The following IRAK1 variants were observed in gnomAD, a reference collection of about 807,000 sequenced individuals.
IRAK1 encodes the protein interleukin-1 receptor-associated kinase 1.
In IRAK1, 9 loss-of-function variants were observed where a neutral mutation model predicts 49.8. The ratio of observed to expected loss-of-function variants is 0.18; its 90% CI spans 0.11 to 0.32. The LOEUF (loss-of-function observed/expected upper bound fraction) is 0.32, where lower values mean the gene tolerates loss of function less well. Ranked by LOEUF, IRAK1 falls within the 10% of genes least tolerant of loss-of-function variation. The pLI is 1.00. For synonymous variants in IRAK1, 282 were observed against 270.8 expected (o/e 1.04, Z -0.41); for missense variants, 418 against 600.5 (o/e 0.70, Z 3.18).
In IRAK1 at chrX:154,014,140, T is replaced by G. The variant is rs782250595; in HGVS notation, c.1441A>C (p.Arg481=). The change falls in exon 11 of 14, where the codon AGG becomes CGG. Residue 481 remains arginine (R), a synonymous_variant. Transcript: ENST00000369980. The part of the protein sequence containing the change: ...MQIYKKHLDP[R]PGPCPPELGL... ...AGCTCAGGTGGGCAGGGCCCGGGCC[T>G]GGGGTCCAGGTGCTTCTTGTAGATC... 5.0e-6 allele frequency: 6 copies of G among 1,209,103 alleles called. No homozygotes were observed. In the East Asian group the frequency reaches 1.5e-4, roughly 30 times the overall value.
At chrX:154,016,210 A>T (rs888896195) in intron 9 of IRAK1, 113 bp from the exon 10 acceptor site, 19 of 686,004 alleles carry the variant, frequency 2.8e-5, no homozygotes, top group Non-Finnish European at 3.5e-5. Flanking sequence ...GCCAGATGTT[A>T]TGGGACTGAA....
At position 154,016,373 on chromosome X, in the gene IRAK1, G is replaced by A. The variant is rs1412722967; in HGVS notation, c.1236+64C>T. The A allele has an allele frequency of 9.3e-6, 10 of 1,073,619 alleles. No individual in the cohort carries two copies. In the Admixed American group the frequency reaches 2.2e-4, roughly 24 times the overall value. 88.5% of individuals were successfully genotyped at this position (1,073,619 alleles called of 1,213,427 possible). On this transcript the variant is annotated intron_variant, in intron 9 of 13. Transcript: ENST00000369980. The stretch of plus-strand genomic sequence containing the variant: ...CCCCTGGCCCGCAGTGCACTCTGCA[G>A]CCCCCACCTCTGCCTGCCTGTGGCT...
chrX:154,017,184 T>A, intron 7 of IRAK1, 117 bp from the exon 8 acceptor site: 1 of 501,950 alleles, frequency 2.0e-6, no homozygotes, highest in Non-Finnish European at 3.5e-6. Context: ...AGGCCTCAGT[T>A]TCCCCCTTCT....
At chrX:154,013,819 TTCTC>T (rs1347013935) in intron 11 of IRAK1, among the ~76,000 whole-genome samples, 1 of 112,446 alleles carries the variant, frequency 8.9e-6, no homozygotes, top group Admixed American at 9.3e-5. Context: ...AGCTCTTTCC[TTCTC>T]TCTATGTGAA....
At chrX:154,018,485 T>A (rs1261128446) in intron 5 of IRAK1, 114 bp downstream of exon 5, 3 of 892,291 alleles carry the variant, frequency 3.4e-6, no homozygotes, top group Middle Eastern at 5.5e-4. Flanking sequence ...CCAGGGACCC[T>A]ACGCCAGAAT....
At chrX:154,017,117 A>G in intron 7 of IRAK1, 50 bp from the exon 8 acceptor site, 4 of 760,918 alleles carry the variant, frequency 5.3e-6, no homozygotes, top group Non-Finnish European at 8.2e-6. Flanking sequence ...CCGTTCCTTG[A>G]TCCCAACCAT....
intron 13 of IRAK1, 149 bp from the exon 14 acceptor site, chrX:154,012,066 G>T: frequency 2.1e-6 from 1 of 484,855 alleles, no homozygotes; most frequent in African/African-American, 2.3e-5. Context: ...ATTTGTTTTT[G>T]AGACAGGGTC....
In IRAK1 at chrX:154,019,185, G is replaced by C. The variant is rs372835680; in HGVS notation, c.436+12C>G. On this transcript the variant is annotated intron_variant, in intron 3 of 13. Transcript: ENST00000369980. ...TTTGGGTCCACCGAGCCTAACAACCGGGCCCTCTTACCTGGGGAGAGGAAG... is the reference window on the plus strand; with the variant it reads ...TTTGGGTCCACCGAGCCTAACAACCCGGCCCTCTTACCTGGGGAGAGGAAG... 2 of 1,211,201 alleles carry C rather than the reference G, an allele frequency of 1.7e-6. No homozygotes were observed. Among genetic ancestry groups the C allele is most frequent in the Non-Finnish European group, 1.1e-6 (1 of 895,129 alleles).
intron 4 of IRAK1, 36 bp from the exon 5 acceptor site, chrX:154,018,823 G>T: frequency 1.3e-6 from 1 of 754,031 alleles, no homozygotes. Flanking sequence ...TGGGGTCCCT[G>T]TCTCTTCCCT....
chrX:154,017,859 G>C (rs2065750887), intron 7 of IRAK1, 147 bp downstream of exon 7: 2 of 448,610 alleles, frequency 4.5e-6, no homozygotes, highest in Non-Finnish European at 7.9e-6. Context: ...CCTGAGCCGG[G>C]TGCTGCTGGG....
At position 154,011,128 on chromosome X, in the gene IRAK1, A is replaced by G. The variant is rs901021144; in HGVS notation, c.*731T>C. 3 of 338,563 alleles carry G rather than the reference A, an allele frequency of 8.9e-6. No homozygotes were observed. The highest frequency in any genetic ancestry group is 9.7e-5 in the East Asian group (1 of 10,338). 27.9% of individuals were successfully genotyped at this position (338,563 alleles called of 1,213,427 possible). On this transcript the variant is annotated 3_prime_UTR_variant, in exon 14 of 14. Transcript: ENST00000369980. ...GAAACAGGGTCTTGCTCTGTCACCC[A>G]GGCTGGAGTGCAGTCATACAATCAT...
rs1409609842 is a variant in IRAK1, at chrX:154,018,085, T to A, written c.830A>T (p.Tyr277Phe). Residue 277 changes from tyrosine (Y) to phenylalanine (F), a missense_variant, in exon 7 of 14, where the codon TAC (tyrosine) becomes TTC (phenylalanine). Tyr to Phe is a conservative substitution (Grantham distance 22). Around this residue, in one of 3 missense-constraint regions of IRAK1, gnomAD observed 377 missense variants for 499.5 expected, o/e 0.75. Coordinates refer to ENST00000369980, the MANE Select transcript of IRAK1 (RefSeq NM_001569.4). Reference protein sequence around the residue: ...RHPNIVDFAGYCAQNGFYCLV... With the variant: ...RHPNIVDFAGFCAQNGFYCLV... ...GCAGTAGAAGCCGTTCTGAGCACAG[T>A]AGCCAGCAAAGTCCACAATGTTTGG... 1.7e-6 allele frequency: 2 copies of A among 1,209,682 alleles called. No individual in the cohort carries two copies. Among genetic ancestry groups the A allele is most frequent in the Non-Finnish European group, 2.2e-6 (2 of 894,196 alleles).
At chrX:154,019,644 C>A in intron 1 of IRAK1, 33 bp downstream of exon 1, 1 of 958,396 alleles carries the variant, frequency 1.0e-6, no homozygotes. Flanking sequence ...AGCCCGCGCG[C>A]CTCCCGCCCC....
chrX:154,017,699 G>A (rs1460735062), intron 7 of IRAK1, among the ~76,000 whole-genome samples: 3 of 107,345 alleles, frequency 2.8e-5, no homozygotes, highest in African/African-American at 1.0e-4. Flanking sequence ...GGGAGGCTGC[G>A]GCAGGAGGAT....
intron 10 of IRAK1, among the ~76,000 whole-genome samples, chrX:154,014,633 T>C (rs1030988260): frequency 9.0e-6 from 1 of 111,486 alleles, no homozygotes; most frequent in South Asian, 3.8e-4. Flanking sequence ...TCCTCCCACC[T>C]CGGCCTCCCG....
chrX:154,017,981 AGCG>A, intron 7 of IRAK1, 22 bp downstream of exon 7: 1 of 1,087,917 alleles, frequency 9.2e-7, no homozygotes, highest in Non-Finnish European at 1.3e-6. Context: ...GGTCCTGGGA[AGCG>A]TGCCGGGCCA....
chrX:154,016,079 C>T lies in IRAK1; in HGVS notation c.1255G>A (p.Ala419Thr), dbSNP rs1557129069. 1 of 1,209,727 alleles carries T rather than the reference C, an allele frequency of 8.3e-7. No homozygotes were observed. The highest frequency in any genetic ancestry group is 1.8e-5 in the South Asian group (1 of 56,970). The change falls in exon 10 of 14, where the codon GCT becomes ACT. Residue 419 changes from alanine to threonine, a missense_variant. Ala to Thr is a moderately conservative substitution (Grantham distance 58, BLOSUM62 0). This residue lies in a region of IRAK1 where 377 missense variants were observed against 499.5 expected (regional missense o/e 0.75). Coordinates refer to ENST00000369980, the MANE Select transcript of IRAK1 (RefSeq NM_001569.4). ...SFGVVVLETL[A>T]GQRAVKTHGA... is the part of the protein sequence containing the mutation. Reference sequence around the variant, plus strand: ...TGCGTCTTCACAGCCCTCTGACCAGCCAAGGTCTCTAGCACTACCTGGAGA... The same window carrying T: ...TGCGTCTTCACAGCCCTCTGACCAGTCAAGGTCTCTAGCACTACCTGGAGA...
chrX:154,017,041 C>T lies in IRAK1; in HGVS notation c.936G>A (p.Trp312Ter). ...CQTQACPPLS[W>*]PQRLDILLGT... The stretch of plus-strand genomic sequence containing the variant: ...CCAGAAGGATGTCCAGTCGCTGAGG[C>T]CAGGAGAGAGGTGGGCAGGCCTGGG... The change falls in exon 8 of 14, where the codon TGG becomes TGA. Residue 312 changes from tryptophan (W) to a stop codon, truncating the protein, a stop_gained. Coordinates refer to ENST00000369980, the MANE Select transcript of IRAK1 (RefSeq NM_001569.4). LOFTEE classifies it high-confidence loss of function. The T allele has an allele frequency of 8.3e-7, 1 of 1,208,793 alleles. No individual in the cohort carries two copies. The highest frequency in any genetic ancestry group is 1.1e-6 in the Non-Finnish European group (1 of 892,706).
chrX:154,016,176 G>T, intron 9 of IRAK1, 79 bp from the exon 10 acceptor site: 1 of 883,129 alleles, frequency 1.1e-6, no homozygotes, highest in Non-Finnish European at 1.7e-6. Context: ...GATTGGGCCT[G>T]ACAAGGGTGT....
Sources: gnomAD v4.1 joint callset for allele counts (sites outside exome capture counted in the v4.1 genomes callset) on GRCh38, gnomAD v4.1.1 for gene constraint, gnomAD v4.1.1 regional missense constraint, MANE v1.5 for transcripts, NCBI Gene and HGNC (gene_info 2026-07-23, HGNC 2026-07-21) for gene names.